USH2A: variants seen among roughly 807,000 people sequenced by gnomAD.
USH2A encodes the protein Usher syndrome 2A (autosomal recessive, mild).
In USH2A, 443 loss-of-function variants were observed where a neutral mutation model predicts 538.9. That is an observed-to-expected ratio of 0.82 (90% confidence interval 0.76 to 0.89). The LOEUF is 0.89. USH2A is among the 40% of genes least tolerant of loss of function. USH2A has a pLI of 0.00. For synonymous variants in USH2A, 2,413 were observed against 2,273.5 expected (o/e 1.06, Z -1.75); for missense variants, 6,633 against 6,324.8 (o/e 1.05, Z -1.65).
rs944476460 is a variant in USH2A at position 216,045,594 on chromosome 1, G to A, written c.6325+837C>T. ...CCACTCTAATAGCTCATGTGAGAGAGGCATTTATTTGATGATGTCATTGAT... is the reference window on the plus strand; with the variant it reads ...CCACTCTAATAGCTCATGTGAGAGAAGCATTTATTTGATGATGTCATTGAT... On this transcript the variant is annotated intron_variant, in intron 32 of 71. Transcript: ENST00000307340. Among the ~76,000 whole-genome samples, 3 of 152,268 alleles carry A rather than the reference G, an allele frequency of 2.0e-5. No individual in the cohort carries two copies. The South Asian group carries it at 6.2e-4, about 32-fold the overall frequency.
chr1:215,642,674 A>G (rs768705764), intron 67 of USH2A, among the ~76,000 whole-genome samples: 22 of 152,136 alleles, frequency 1.4e-4, no homozygotes, highest in South Asian at 4.1e-4. Context: ...GGTCATTTAC[A>G]TCCACTCTAT....
chr1:215,891,868 G>A (rs541314934), intron 40 of USH2A, among the ~76,000 whole-genome samples: 7 of 152,148 alleles, frequency 4.6e-5, no homozygotes, highest in Non-Finnish European at 7.3e-5. Flanking sequence ...CGCTCTCCGT[G>A]GGTGTAATTG....
intron 61 of USH2A, among the ~76,000 whole-genome samples, chr1:215,690,609 C>T (rs983708435): frequency 3.9e-5 from 6 of 152,090 alleles, no homozygotes; most frequent in Admixed American, 1.3e-4. Flanking sequence ...GTTCAGTCTC[C>T]CTGACTGAAA....
intron 19 of USH2A, 130 bp from the exon 20 acceptor site, chr1:216,190,497 G>GTTTT: frequency 8.3e-7 from 1 of 1,203,708 alleles, no homozygotes; most frequent in Admixed American, 2.5e-5. Flanking sequence ...TTAGGAAAAG[G>GTTTT]GTTTTTTTTT....
At chr1:216,066,199 T>C (rs1021877214) in intron 30 of USH2A, among the ~76,000 whole-genome samples, 1 of 151,554 alleles carries the variant, frequency 6.6e-6, no homozygotes, top group Non-Finnish European at 1.5e-5. Flanking sequence ...GGCCGGGCAC[T>C]GTGGCTCACG....
rs545435096 is a variant in USH2A at position 216,047,815 on chromosome 1, G to C, written c.6163+719C>G. ...TGTACAATTCCTCTTATCCAGAATA[G>C]AGAAATATGAAGTAACAATGCTTCA... On this transcript the variant is annotated intron_variant, in intron 31 of 71. Transcript: ENST00000307340. Among the ~76,000 whole-genome samples, 3 of 152,280 alleles carry C rather than the reference G, an allele frequency of 2.0e-5. No individual in the cohort carries two copies. In the South Asian group the frequency reaches 6.2e-4, roughly 32 times the overall value.
At chr1:215,863,706 C>G (rs983572563) in intron 44 of USH2A, among the ~76,000 whole-genome samples, 2 of 151,920 alleles carry the variant, frequency 1.3e-5, no homozygotes, top group African/African-American at 4.8e-5. Flanking sequence ...CAGGCATGGT[C>G]CCTTATGGCT....
chr1:215,995,727 C>G (rs973791773), intron 34 of USH2A, among the ~76,000 whole-genome samples: 1 of 152,098 alleles, frequency 6.6e-6, no homozygotes, highest in African/African-American at 2.4e-5. Flanking sequence ...TTAACCATCG[C>G]CTATAGCTTT....
intron 50 of USH2A, among the ~76,000 whole-genome samples, chr1:215,793,865 A>C (rs1662048065): frequency 6.6e-6 from 1 of 152,196 alleles, no homozygotes; most frequent in African/African-American, 2.4e-5. Flanking sequence ...TCAGTTTCCC[A>C]TGGCTAATAG....
rs750631646 is a variant in USH2A, at chr1:215,999,087, T to C, written c.6486-29A>G. On this transcript the variant is annotated intron_variant, in intron 33 of 71. Transcript: ENST00000307340. The stretch of plus-strand genomic sequence containing the variant: ...GGAATGGTAAAATACATTATTATCA[T>C]TCATTCAAGTCAAAACTAAAATATA... 3.1e-6 allele frequency: 5 copies of C among 1,589,394 alleles called. No homozygotes were observed. The East Asian group carries it at 6.7e-5, about 21-fold the overall frequency.
chr1:216,126,368 T>A (rs2033255063), intron 21 of USH2A, among the ~76,000 whole-genome samples: 2 of 152,026 alleles, frequency 1.3e-5, no homozygotes, highest in African/African-American at 4.8e-5. Context: ...GGATTACAGG[T>A]GCATGGCACT....
chr1:216,227,219 C>T (rs1330513853), intron 14 of USH2A, among the ~76,000 whole-genome samples: 1 of 152,116 alleles, frequency 6.6e-6, no homozygotes, highest in Admixed American at 6.5e-5. Flanking sequence ...GTTCTGCTAA[C>T]TTGTATGTTC....
rs573586987 is a variant in USH2A at position 216,419,207 on chromosome 1, A to G, written c.486-528T>C. On this transcript the variant is annotated intron_variant, in intron 2 of 71. Transcript: ENST00000307340. ...AGCTATAGTCTCTACTCACCCCATC[A>G]TCAACTGGCACAAAGCCAAAGCCAG... 3.3e-5 allele frequency among the ~76,000 whole-genome samples: 5 copies of G among 152,224 alleles called. No individual in the cohort carries two copies. In the East Asian group the frequency reaches 9.7e-4, roughly 29 times the overall value.
intron 62 of USH2A, among the ~76,000 whole-genome samples, chr1:215,678,264 T>C (rs1571951961): frequency 1.3e-5 from 2 of 152,210 alleles, no homozygotes; most frequent in South Asian, 2.1e-4. Flanking sequence ...TAATTTTTCA[T>C]TGCACTTGGA....
At chr1:215,999,219 A>G (rs1467032067) in intron 33 of USH2A, among the ~76,000 whole-genome samples, 161 bp from the exon 34 acceptor site, 3 of 152,184 alleles carry the variant, frequency 2.0e-5, no homozygotes, top group Non-Finnish European at 4.4e-5. Flanking sequence ...TAGTTATCCA[A>G]TGCCTATTCT....
At chr1:216,037,277 C>G (rs4338329) in intron 32 of USH2A, among the ~76,000 whole-genome samples, 3 of 152,120 alleles carry the variant, frequency 2.0e-5, no homozygotes, top group Non-Finnish European at 4.4e-5. Flanking sequence ...AAGAAGGACT[C>G]TAGTGAAGCT....
intron 11 of USH2A, among the ~76,000 whole-genome samples, chr1:216,280,212 C>A (rs1305967111): frequency 6.6e-6 from 1 of 151,652 alleles, no homozygotes; most frequent in Non-Finnish European, 1.5e-5. Context: ...TAAGTTCAAG[C>A]AAACAAGAAG....
At chr1:216,339,444 T>C (rs2038034086) in intron 4 of USH2A, among the ~76,000 whole-genome samples, 1 of 151,674 alleles carries the variant, frequency 6.6e-6, no homozygotes, top group African/African-American at 2.4e-5. Context: ...AATAAAAGTA[T>C]AAGAACACAC....
At chr1:215,725,008 T>C (rs1482869812) in intron 61 of USH2A, among the ~76,000 whole-genome samples, 1 of 151,888 alleles carries the variant, frequency 6.6e-6, no homozygotes, top group Admixed American at 6.6e-5. Flanking sequence ...CGGTGAGGAG[T>C]ATAGAACCCT....
Sources: gnomAD v4.1 joint callset for allele counts (sites outside exome capture counted in the v4.1 genomes callset) on GRCh38, gnomAD v4.1.1 for gene constraint, MANE v1.5 for transcripts, NCBI Gene and HGNC (gene_info 2026-07-23, HGNC 2026-07-21) for gene names.